RASAL1: variants seen among roughly 807,000 people sequenced by gnomAD.
RASAL1 encodes the protein RAS protein activator like 1.
A neutral mutation model predicts 96.6 loss-of-function variants in RASAL1; 72 were observed. That is an observed-to-expected ratio of 0.75 (90% CI 0.62 to 0.91). RASAL1 has a LOEUF of 0.91. RASAL1 is among the 40% of genes least tolerant of loss of function. RASAL1 has a pLI of 0.00. For synonymous variants in RASAL1, 405 were observed against 430.4 expected (o/e 0.94, Z 0.73); for missense variants, 1,016 against 1,072.5 (o/e 0.95, Z 0.74).
intron 18 of RASAL1, chr12:113,103,010 C>A: frequency 7.2e-6 from 2 of 277,668 alleles, no homozygotes; most frequent in Non-Finnish European, 7.1e-6. Context: ...AGCAGCACCT[C>A]CTCCAGGAAG....
At chr12:113,127,190 A>G (rs1398600048) in intron 4 of RASAL1, among the ~76,000 whole-genome samples, 2 of 151,972 alleles carry the variant, frequency 1.3e-5, no homozygotes, top group Non-Finnish European at 2.9e-5. Flanking sequence ...TGTGAGGCAC[A>G]ATGCCCAGCC....
intron 13 of RASAL1, 89 bp from the exon 14 acceptor site, chr12:113,108,311 T>G: frequency 6.9e-7 from 1 of 1,451,154 alleles, no homozygotes; most frequent in Non-Finnish European, 9.2e-7. Context: ...AAATTCGTGG[T>G]GCAAAGAGAA....
chr12:113,112,382 C>CGT (rs1950902281), intron 12 of RASAL1, 104 bp from the exon 13 acceptor site: 2 of 886,126 alleles, frequency 2.3e-6, no homozygotes, highest in Non-Finnish European at 3.0e-6. Flanking sequence ...CTTCCCTCCA[C>CGT]GTCCGCAGCC....
At chr12:113,112,721 G>T (rs1184627209) in intron 12 of RASAL1, among the ~76,000 whole-genome samples, 1 of 152,096 alleles carries the variant, frequency 6.6e-6, no homozygotes, top group Admixed American at 6.5e-5. Context: ...GGAGGCCGAG[G>T]GGGCAGGTCA....
chr12:113,104,488 T>A (rs899564782), intron 16 of RASAL1, among the ~76,000 whole-genome samples, 190 bp from the exon 17 acceptor site: 1 of 152,096 alleles, frequency 6.6e-6, no homozygotes, highest in Non-Finnish European at 1.5e-5. Context: ...CCTATCCCCT[T>A]TTATTTTTTT....
At chr12:113,132,902 T>C (rs1951774969) in intron 1 of RASAL1, among the ~76,000 whole-genome samples, 1 of 152,164 alleles carries the variant, frequency 6.6e-6, no homozygotes, top group African/African-American at 2.4e-5. Context: ...TCTGGCTCCA[T>C]CCCAAATCCA....
chr12:113,126,362 T>A (rs1398796077), intron 4 of RASAL1, among the ~76,000 whole-genome samples: 2 of 151,818 alleles, frequency 1.3e-5, no homozygotes, highest in African/African-American at 4.8e-5. Flanking sequence ...GCAATTTGTA[T>A]AAGCACAGAA....
chr12:113,133,004 C>T (rs1951778123), intron 1 of RASAL1, among the ~76,000 whole-genome samples: 1 of 152,172 alleles, frequency 6.6e-6, no homozygotes, highest in Admixed American at 6.6e-5. Flanking sequence ...GGGTTCTCCA[C>T]CCCTAAGCTT....
In RASAL1 at chr12:113,117,117, G is replaced by T; in HGVS notation, c.687C>A (p.Gly229=). ...PKTLQQKPPK[G]WFRLLPFPRA... ...TGGGAAAGGGCAGGAGGCGGAACCA[G>T]CCTTTAGGTGGCTTCTGCTGGAGGG... Residue 229 remains glycine (G), a synonymous_variant, in exon 8 of 21, where the codon GGC becomes GGA. Coordinates refer to ENST00000548055, the MANE Select transcript of RASAL1 (RefSeq NM_001301202.2). 6.2e-7 allele frequency: 1 copy of T among 1,610,616 alleles called. No individual in the cohort carries two copies. Among genetic ancestry groups the T allele is most frequent in the Non-Finnish European group, 8.5e-7 (1 of 1,177,504 alleles).
intron 11 of RASAL1, 74 bp from the exon 12 acceptor site, chr12:113,114,986 G>A (rs1566052564): frequency 7.8e-7 from 1 of 1,275,238 alleles, no homozygotes; most frequent in Non-Finnish European, 1.1e-6. Flanking sequence ...GGGCGCAGGG[G>A]GGACCATGCA....
In RASAL1 at chr12:113,135,059, C is replaced by A. The variant is rs559148173; in HGVS notation, c.65+339G>T. 7.9e-5 allele frequency among the ~76,000 whole-genome samples: 12 copies of A among 151,850 alleles called. No individual in the cohort carries two copies. The highest frequency in any genetic ancestry group is 2.9e-4 in the African/African-American group (12 of 41,388). On this transcript the variant is annotated intron_variant, in intron 1 of 20. Coordinates refer to ENST00000548055, the MANE Select transcript of RASAL1 (RefSeq NM_001301202.2). This position sits in a 1 kb window ranked among gnomAD's most constrained non-coding sequence, Gnocchi z 5.7. ...ACATCTGCCTGGACTAAGGAAGAGACCCCCCGCTTTCTCCCCTCCCAGATC... is the reference window on the plus strand; with the variant it reads ...ACATCTGCCTGGACTAAGGAAGAGAACCCCCGCTTTCTCCCCTCCCAGATC...
At chr12:113,107,324 T>C in intron 14 of RASAL1, 83 bp from the exon 15 acceptor site, 1 of 1,436,380 alleles carries the variant, frequency 7.0e-7, no homozygotes, top group Non-Finnish European at 9.3e-7. Context: ...CAGTGCTCAA[T>C]AAAAGAAGAC....
intron 4 of RASAL1, among the ~76,000 whole-genome samples, chr12:113,122,133 G>A (rs1333836041): frequency 6.6e-6 from 1 of 152,196 alleles, no homozygotes; most frequent in Non-Finnish European, 1.5e-5. Context: ...TTTTGTCCAT[G>A]GTCTCACAGC....
At chr12:113,103,914 G>C (rs1174447888) in intron 18 of RASAL1, 32 bp downstream of exon 18, 2 of 1,543,898 alleles carry the variant, frequency 1.3e-6, no homozygotes, top group South Asian at 1.2e-5. Context: ...GGGTGGGGAG[G>C]GCGGAGCCTG....
chr12:113,132,657 C>T (rs1226145371), intron 1 of RASAL1, among the ~76,000 whole-genome samples: 4 of 152,188 alleles, frequency 2.6e-5, no homozygotes, highest in Non-Finnish European at 5.9e-5. Context: ...GGGACATTGG[C>T]GCTAAGAGTT....
chr12:113,115,971 A>G lies in RASAL1; in HGVS notation c.812T>C (p.Met271Thr), dbSNP rs935498486. The G allele has an allele frequency of 6.8e-6, 11 of 1,609,464 alleles. No homozygotes were observed. The highest frequency in any genetic ancestry group is 2.2e-5 in the East Asian group (1 of 44,788). ...CTGCACAGACTCCATGAGCAGCTCC[A>G]TGAGAGGCTGGTAGCACTGGGAGGG... Reference protein sequence around the residue: ...VLPSQCYQPLMELLMESVQGP... With the variant: ...VLPSQCYQPLTELLMESVQGP... The change falls in exon 9 of 21, where the codon ATG becomes ACG. Residue 271 changes from methionine (M) to threonine (T), a missense_variant. Physicochemically the swap from Met to Thr is moderately conservative, Grantham distance 81. Coordinates refer to ENST00000548055, the MANE Select transcript of RASAL1 (RefSeq NM_001301202.2). The surrounding 1 kb of genome is among the most constrained non-coding windows in gnomAD (Gnocchi z 4.1).
chr12:113,106,074 G>C (rs1950634835), intron 15 of RASAL1, among the ~76,000 whole-genome samples, 188 bp from the exon 16 acceptor site: 1 of 152,186 alleles, frequency 6.6e-6, no homozygotes, highest in Admixed American at 6.5e-5. Flanking sequence ...GAGGCTGGGA[G>C]GAGGGGGAGG....
intron 4 of RASAL1, among the ~76,000 whole-genome samples, chr12:113,126,142 G>T (rs553969566): frequency 2.0e-5 from 3 of 151,944 alleles, no homozygotes; most frequent in African/African-American, 7.3e-5. Context: ...AAACTTAGCC[G>T]GGTGTGGTGG....
chr12:113,115,984 A>AGC lies in RASAL1; in HGVS notation c.797_798dup (p.Tyr267AlafsTer31). ...ATGAGCAGCTCCATGAGAGGCTGGT[A>AGC]GCACTGGGAGGGCAGGACGCGGTCC... On this transcript the variant is annotated frameshift_variant, in exon 9 of 21. Coordinates refer to ENST00000548055, the MANE Select transcript of RASAL1 (RefSeq NM_001301202.2). LOFTEE classifies it high-confidence loss of function. The surrounding 1 kb of genome is among the most constrained non-coding windows in gnomAD (Gnocchi z 4.1). 6.2e-7 allele frequency: 1 copy of AGC among 1,610,512 alleles called. No homozygotes were observed. The highest frequency in any genetic ancestry group is 8.5e-7 in the Non-Finnish European group (1 of 1,178,054).
Sources: gnomAD v4.1 joint callset for allele counts (sites outside exome capture counted in the v4.1 genomes callset) on GRCh38, gnomAD v4.1.1 for gene constraint, Gnocchi (gnomAD v3.1) non-coding constraint, MANE v1.5 for transcripts, NCBI Gene and HGNC (gene_info 2026-07-23, HGNC 2026-07-21) for gene names.